The following PRKCA variants were observed in gnomAD, a reference collection of about 807,000 sequenced individuals.
PRKCA encodes protein kinase C alpha.
Under a neutral mutation model 87.0 loss-of-function variants are expected in PRKCA, and 27 were observed. That is an observed-to-expected ratio of 0.31 (90% CI 0.23 to 0.43). The LOEUF is 0.43. PRKCA is among the 20% of genes least tolerant of loss of function. The probability of loss-of-function intolerance (pLI) is 1.00; values close to 1 mark genes in which losing one functional copy is unlikely to be tolerated. For missense variants in PRKCA, 518 were observed against 852.3 expected (o/e 0.61, Z 4.88); for synonymous variants, 329 against 311.1 (o/e 1.06, Z -0.61).
chr17:66,509,075 C>T (rs1318435989), intron 3 of PRKCA, among the ~76,000 whole-genome samples: 2 of 152,040 alleles, frequency 1.3e-5, no homozygotes, highest in Non-Finnish European at 2.9e-5. Context: ...ATAGGCTTCC[C>T]CTGGCGCTGT....
At chr17:66,781,402 T>C (rs1598938461) in intron 14 of PRKCA, among the ~76,000 whole-genome samples, 1 of 151,976 alleles carries the variant, frequency 6.6e-6, no homozygotes, top group Non-Finnish European at 1.5e-5. Context: ...TCCCGGTGGG[T>C]CCCCGAATGC....
chr17:66,318,874 G>T (rs1003585865), intron 2 of PRKCA, among the ~76,000 whole-genome samples: 8 of 151,792 alleles, frequency 5.3e-5, no homozygotes, highest in African/African-American at 1.9e-4. Flanking sequence ...AAGACTTGCC[G>T]TGGTGGCTGG....
intron 4 of PRKCA, among the ~76,000 whole-genome samples, chr17:66,642,944 G>T (rs1394641754): frequency 6.6e-6 from 1 of 152,132 alleles, no homozygotes; most frequent in Non-Finnish European, 1.5e-5. Flanking sequence ...GGAGGCTGAG[G>T]CAGGAGAATT....
rs184395504 is a variant in PRKCA at position 66,737,090 on chromosome 17, C to T, written c.1230+1428C>T. On this transcript the variant is annotated intron_variant, in intron 10 of 16. Transcript: ENST00000413366. ...AGACATGGCCGGGCGCGGTGGCTCA[C>T]GCCTGTAATCCCAGCACTGTGGGAG... Among the ~76,000 whole-genome samples the T allele has an allele frequency of 1.1e-4, 16 of 152,110 alleles. No homozygotes were observed. The East Asian group carries it at 1.4e-3, about 13-fold the overall frequency.
chr17:66,326,363 A>G (rs1035899668), intron 2 of PRKCA, among the ~76,000 whole-genome samples: 2 of 152,168 alleles, frequency 1.3e-5, no homozygotes, highest in Non-Finnish European at 2.9e-5. Context: ...CCCGTAATAA[A>G]TTGTAAAAAT....
intron 13 of PRKCA, among the ~76,000 whole-genome samples, chr17:66,751,289 C>T (rs1264008487): frequency 6.6e-6 from 1 of 152,210 alleles, no homozygotes; most frequent in African/African-American, 2.4e-5. Flanking sequence ...TCATGCTTTA[C>T]AAACACTGTA....
At chr17:66,727,348 T>G (rs1282319594) in intron 8 of PRKCA, among the ~76,000 whole-genome samples, 1 of 152,162 alleles carries the variant, frequency 6.6e-6, no homozygotes, top group East Asian at 1.9e-4. Context: ...TCCTGAAGAT[T>G]CCCAGAAAAA....
chr17:66,466,498 A>G (rs1447711141), intron 2 of PRKCA, among the ~76,000 whole-genome samples: 1 of 152,206 alleles, frequency 6.6e-6, no homozygotes, highest in African/African-American at 2.4e-5. Flanking sequence ...CTGAGCAACA[A>G]GTGACTTTCT....
chr17:66,498,031 T>C (rs1195764219), intron 3 of PRKCA, among the ~76,000 whole-genome samples: 2 of 152,052 alleles, frequency 1.3e-5, no homozygotes, highest in Non-Finnish European at 2.9e-5. Flanking sequence ...CGTCACCTTG[T>C]TTTATAACTT....
chr17:66,680,977 C>T (rs1302266356), intron 5 of PRKCA, among the ~76,000 whole-genome samples: 4 of 152,252 alleles, frequency 2.6e-5, no homozygotes, highest in East Asian at 1.9e-4. Flanking sequence ...GCCTGTAATC[C>T]GAGCACTTTG....
In PRKCA at chr17:66,410,298, TG is replaced by T. The variant is rs1200406337; in HGVS notation, c.206-85902del. Reference sequence around the variant, plus strand: ...TTATATGAGGAATATTTGTACATGATGAATACTGTGAACACTGCAAAAAGAT... The same window carrying T: ...TTATATGAGGAATATTTGTACATGATAATACTGTGAACACTGCAAAAAGAT... On this transcript the variant is annotated intron_variant, in intron 2 of 16. Coordinates refer to ENST00000413366, the MANE Select transcript of PRKCA (RefSeq NM_002737.3). Among the ~76,000 whole-genome samples the T allele has an allele frequency of 5.3e-5, 8 of 152,184 alleles. No homozygotes were observed. In the East Asian group the frequency reaches 1.5e-3, roughly 29 times the overall value.
intron 3 of PRKCA, among the ~76,000 whole-genome samples, chr17:66,536,715 G>A (rs920647951): frequency 1.3e-5 from 2 of 152,200 alleles, no homozygotes; most frequent in Non-Finnish European, 1.5e-5. Context: ...AGTAAGGAGA[G>A]CTAACGAGAC....
chr17:66,641,223 G>A, intron 3 of PRKCA, 132 bp from the exon 4 acceptor site: 1 of 569,040 alleles, frequency 1.8e-6, no homozygotes, highest in Non-Finnish European at 3.2e-6. Context: ...TGTGACTCCA[G>A]AGAATGATGC....
At chr17:66,463,394 TTA>T (rs1491588179) in intron 2 of PRKCA, among the ~76,000 whole-genome samples, 1 of 151,026 alleles carries the variant, frequency 6.6e-6, no homozygotes, top group African/African-American at 2.5e-5. Context: ...TTTTTTTTTT[TTA>T]AATTTTTTTA....
At chr17:66,643,070 C>A (rs1971351172) in intron 4 of PRKCA, among the ~76,000 whole-genome samples, 1 of 152,074 alleles carries the variant, frequency 6.6e-6, no homozygotes, top group Non-Finnish European at 1.5e-5. Context: ...AAAAAAGAAA[C>A]CCTAGGATTC....
chr17:66,497,211 C>G (rs1031479457), intron 3 of PRKCA, among the ~76,000 whole-genome samples: 1 of 152,104 alleles, frequency 6.6e-6, no homozygotes, highest in Non-Finnish European at 1.5e-5. Flanking sequence ...AAAATGGGAT[C>G]CACAGGCCGG....
At chr17:66,794,715 G>C (rs958323168) in intron 16 of PRKCA, among the ~76,000 whole-genome samples, 2 of 150,292 alleles carry the variant, frequency 1.3e-5, no homozygotes, top group Admixed American at 1.3e-4. Flanking sequence ...CCACCTCCCA[G>C]GTTCAAGCAA....
chr17:66,670,745 C>G (rs1340848521), intron 5 of PRKCA, among the ~76,000 whole-genome samples: 5 of 151,846 alleles, frequency 3.3e-5, no homozygotes, highest in Admixed American at 2.0e-4. Flanking sequence ...GTCTGTAGTC[C>G]CAGCTACTCG....
Position 66,732,764 on chromosome 17 carries a change from A to C in PRKCA, c.995A>C (p.Asp332Ala). Residue 332 changes from aspartate (D) to alanine (A), a missense_variant, in exon 9 of 17, where the codon GAC becomes GCC. Coordinates refer to ENST00000413366, the MANE Select transcript of PRKCA (RefSeq NM_002737.3). ...AGGAAACAACCTTCCAACAACCTTG[A>C]CCGAGTGAAACTCACGGACTTCAAT... ...EDRKQPSNNLDRVKLTDFNFL... is the reference protein window; with the variant it reads ...EDRKQPSNNLARVKLTDFNFL... 1 of 1,614,200 alleles carries C rather than the reference A, an allele frequency of 6.2e-7. No individual in the cohort carries two copies. Among genetic ancestry groups the C allele is most frequent in the Non-Finnish European group, 8.5e-7 (1 of 1,180,034 alleles).
Sources: gnomAD v4.1 joint callset for allele counts (sites outside exome capture counted in the v4.1 genomes callset) on GRCh38, gnomAD v4.1.1 for gene constraint, MANE v1.5 for transcripts, NCBI Gene and HGNC (gene_info 2026-07-23, HGNC 2026-07-21) for gene names.